Variants in HIKESHI observed in about 807,000 individuals in gnomAD.
The protein encoded by HIKESHI is heat shock protein nuclear import factor hikeshi.
HIKESHI carries 13 observed loss-of-function variants against 25.7 expected under a neutral mutation model. That is an observed-to-expected ratio of 0.51 (90% CI 0.33 to 0.80). The LOEUF (loss-of-function observed/expected upper bound fraction) is 0.80, where lower values mean the gene tolerates loss of function less well. HIKESHI is among the 30% of genes least tolerant of loss of function. The pLI is 0.02. For synonymous variants in HIKESHI, 76 were observed against 78.7 expected (o/e 0.97, Z 0.18); for missense variants, 174 against 229.5 (o/e 0.76, Z 1.56).
At chr11:86,337,132 T>C (rs1182490287) in intron 2 of HIKESHI, among the ~76,000 whole-genome samples, 2 of 152,226 alleles carry the variant, frequency 1.3e-5, no homozygotes, top group Admixed American at 6.5e-5. Context: ...CTGTGTCTAG[T>C]TGCAGTAGTT....
At chr11:86,330,760 A>C (rs953928456) in intron 2 of HIKESHI, among the ~76,000 whole-genome samples, 2 of 152,192 alleles carry the variant, frequency 1.3e-5, no homozygotes, top group Admixed American at 1.3e-4. Flanking sequence ...GTACTTTTTG[A>C]AATTTTTTTT....
In HIKESHI at chr11:86,345,596, T is replaced by G. The variant is rs148932996; in HGVS notation, c.552T>G (p.Phe184Leu). Residue 184 changes from phenylalanine (F) to leucine (L), a missense_variant, in exon 5 of 5, where the codon TTT becomes TTG. Phe to Leu is a conservative substitution (Grantham distance 22, BLOSUM62 0). Transcript: ENST00000278483. ...ANVVLKWYEN[F>L]QRRLAQNPLF... ...TTTTCTTTTCTAGGTATGAAAACTTTCAAAGACGACTAGCACAGAACCCTC... is the reference window on the plus strand; with the variant it reads ...TTTTCTTTTCTAGGTATGAAAACTTGCAAAGACGACTAGCACAGAACCCTC... 1 of 1,549,670 alleles carries G rather than the reference T, an allele frequency of 6.5e-7. No homozygotes were observed. Among genetic ancestry groups the G allele is most frequent in the Admixed American group, 1.9e-5 (1 of 53,978 alleles).
chr11:86,340,178 T>C (rs542788344), intron 3 of HIKESHI, among the ~76,000 whole-genome samples: 10 of 152,156 alleles, frequency 6.6e-5, no homozygotes, highest in African/African-American at 2.4e-4. Context: ...GGTTCCAAGT[T>C]TTTGCTATTG....
intron 1 of HIKESHI, among the ~76,000 whole-genome samples, chr11:86,304,104 G>C (rs146764044): frequency 2.0e-5 from 3 of 152,278 alleles, no homozygotes; most frequent in African/African-American, 7.2e-5. Flanking sequence ...AAGTGGGTCA[G>C]AATACTTCTG....
At chr11:86,331,564 G>A (rs537060253) in intron 2 of HIKESHI, among the ~76,000 whole-genome samples, 5 of 152,134 alleles carry the variant, frequency 3.3e-5, no homozygotes, top group East Asian at 3.9e-4. Flanking sequence ...TCCCTCCCCC[G>A]CCACATTAGG....
chr11:86,323,955 T>A (rs1340040398), intron 2 of HIKESHI: 2 of 152,152 alleles, frequency 1.3e-5, no homozygotes, highest in African/African-American at 4.8e-5. Flanking sequence ...ATAATACTAG[T>A]TCTTTTATTG....
intron 2 of HIKESHI, among the ~76,000 whole-genome samples, chr11:86,335,237 T>C (rs1216649286): frequency 9.2e-5 from 14 of 152,208 alleles, no homozygotes; most frequent in Admixed American, 9.2e-4. Flanking sequence ...TCTGCCTTTA[T>C]GTCACCTAAC....
intron 3 of HIKESHI, chr11:86,344,148 TA>T (rs1170180163): frequency 1.3e-5 from 2 of 152,500 alleles, no homozygotes; most frequent in African/African-American, 4.8e-5. Flanking sequence ...GTTACTATTT[TA>T]TATGAGAAAA....
At chr11:86,330,765 T>G (rs564312273) in intron 2 of HIKESHI, among the ~76,000 whole-genome samples, 12 of 152,230 alleles carry the variant, frequency 7.9e-5, no homozygotes, top group Non-Finnish European at 1.2e-4. Flanking sequence ...TTTTGAAATT[T>G]TTTTTCTTAA....
At chr11:86,325,828 C>T (rs1179097698) in intron 2 of HIKESHI, among the ~76,000 whole-genome samples, 23 of 151,142 alleles carry the variant, frequency 1.5e-4, no homozygotes, top group Admixed American at 1.4e-3. Flanking sequence ...ACCGAGATGG[C>T]ACCACTGCAC....
intron 2 of HIKESHI, among the ~76,000 whole-genome samples, chr11:86,319,234 A>ATTTT (rs1226979357): frequency 1.1e-5 from 1 of 90,724 alleles, no homozygotes; most frequent in African/African-American, 5.4e-5. Context: ...ATATATATAT[A>ATTTT]TATATATATT....
intron 4 of HIKESHI, chr11:86,344,927 T>G (rs185831604): frequency 1.9e-6 from 1 of 537,106 alleles, no homozygotes; most frequent in Admixed American, 3.7e-5. Context: ...CATTATGAAT[T>G]TATAAAGACA....
chr11:86,309,472 C>T (rs190373172), intron 2 of HIKESHI, among the ~76,000 whole-genome samples: 388 of 152,088 alleles, frequency 2.6e-3, no homozygotes, highest in African/African-American at 9.0e-3. Flanking sequence ...GGATATTAGC[C>T]CTTTGTCAGA....
At chr11:86,319,583 GA>G (rs1436216109) in intron 2 of HIKESHI, among the ~76,000 whole-genome samples, 6 of 151,192 alleles carry the variant, frequency 4.0e-5, no homozygotes, top group African/African-American at 1.5e-4. Flanking sequence ...ATATCAAATT[GA>G]ATATCTGTAA....
chr11:86,306,202 A>T, intron 1 of HIKESHI, 43 bp from the exon 2 acceptor site: 2 of 1,304,256 alleles, frequency 1.5e-6, no homozygotes, highest in South Asian at 2.5e-5. Context: ...AGTTACAGAA[A>T]CTCATAGAAC....
intron 1 of HIKESHI, among the ~76,000 whole-genome samples, chr11:86,305,401 T>G (rs1946597072): frequency 6.6e-6 from 1 of 152,174 alleles, no homozygotes; most frequent in Non-Finnish European, 1.5e-5. Flanking sequence ...ATTTATTTAT[T>G]TTTTTGAGAC....
At chr11:86,308,695 A>G (rs1946752003) in intron 2 of HIKESHI, among the ~76,000 whole-genome samples, 2 of 151,812 alleles carry the variant, frequency 1.3e-5, no homozygotes, top group African/African-American at 4.8e-5. Flanking sequence ...CATTAGGTAT[A>G]TCTCCTAATG....
chr11:86,306,728 G>A (rs1037236542), intron 2 of HIKESHI, among the ~76,000 whole-genome samples: 14 of 151,850 alleles, frequency 9.2e-5, no homozygotes, highest in South Asian at 4.2e-4. Context: ...GGCCGGGCGC[G>A]GCGGCTCATT....
rs71040229 is a variant in HIKESHI at position 86,316,771 on chromosome 11, C to CTTTTTTTTTTTTTTTTTTTTTTTTTT, written c.268+10304_268+10329dup. On this transcript the variant is annotated intron_variant, in intron 2 of 4. Transcript: ENST00000278483. ...TTATGAGTAATGAATCTGAAACATT[C>CTTTTTTTTTTTTTTTTTTTTTTTTTT]TTTTTTTTTTTTTTTTTTTTTTTTT... 1.0e-4 allele frequency among the ~76,000 whole-genome samples: 7 copies of CTTTTTTTTTTTTTTTTTTTTTTTTTT among 68,790 alleles called. 3 individuals are homozygous for CTTTTTTTTTTTTTTTTTTTTTTTTTT. Among genetic ancestry groups the CTTTTTTTTTTTTTTTTTTTTTTTTTT allele is most frequent in the Non-Finnish European group, 1.9e-4 (7 of 37,486 alleles). 45.1% of individuals were successfully genotyped at this position (68,790 alleles called of 152,430 possible).
Sources: gnomAD v4.1 joint callset for allele counts (sites outside exome capture counted in the v4.1 genomes callset) on GRCh38, gnomAD v4.1.1 for gene constraint, MANE v1.5 for transcripts, NCBI Gene and HGNC (gene_info 2026-07-23, HGNC 2026-07-21) for gene names.